The following NUDT9 variants were observed in gnomAD, a reference collection of about 807,000 sequenced individuals.
The protein encoded by NUDT9 is ADP-ribose pyrophosphatase.
A neutral mutation model predicts 41.0 loss-of-function variants in NUDT9; 31 were observed. The observed-to-expected ratio is 0.76, with a 90% CI of 0.57 to 1.02. The LOEUF is 1.02. NUDT9 is among the 50% of genes least tolerant of loss of function. The probability of loss-of-function intolerance (pLI) is 0.00; values close to 1 mark genes in which losing one functional copy is unlikely to be tolerated. For synonymous variants in NUDT9, 146 were observed against 147.6 expected (o/e 0.99, Z 0.08); for missense variants, 380 against 431.4 (o/e 0.88, Z 1.06).
chr4:87,447,917 A>C (rs1722531404), intron 4 of NUDT9, among the ~76,000 whole-genome samples: 1 of 151,876 alleles, frequency 6.6e-6, no homozygotes, highest in South Asian at 2.1e-4. Flanking sequence ...CTGTAGTCCT[A>C]GCTACACAGG....
At chr4:87,449,924 G>A (rs980936409) in intron 5 of NUDT9, among the ~76,000 whole-genome samples, 8 of 151,480 alleles carry the variant, frequency 5.3e-5, no homozygotes, top group South Asian at 2.1e-4. Context: ...GTGCATTGGC[G>A]CAATCTTGGC....
chr4:87,435,941 A>G (rs1052635612), intron 2 of NUDT9, among the ~76,000 whole-genome samples: 10 of 152,170 alleles, frequency 6.6e-5, no homozygotes, highest in Non-Finnish European at 1.2e-4. Context: ...TTGTGTGTGT[A>G]GTGAGAAGAG....
Position 87,441,859 on chromosome 4 carries a change from C to T in NUDT9, c.474C>T (p.Gly158=). ...RNPAGRTGLV[G]RGLLGRWGPN... is the part of the protein sequence containing the mutation. ...CTGCAGGACGGACTGGACTGGTGGG[C>T]CGGGGGCTTTTGGGGCGATGGGGCC... is the stretch of plus-strand genomic sequence containing the variant. The change falls in exon 4 of 8, where the codon GGC becomes GGT. Residue 158 remains glycine, a synonymous_variant. Transcript: ENST00000302174. The T allele has an allele frequency of 6.2e-7, 1 of 1,613,552 alleles. No individual in the cohort carries two copies.
intron 4 of NUDT9, among the ~76,000 whole-genome samples, chr4:87,445,922 A>G (rs1018782504): frequency 1.3e-5 from 2 of 151,554 alleles, no homozygotes; most frequent in African/African-American, 2.4e-5. Flanking sequence ...TCTCCCCAGT[A>G]GCATCTCTCT....
chr4:87,442,448 T>G (rs1466242925), intron 4 of NUDT9, among the ~76,000 whole-genome samples: 2 of 152,238 alleles, frequency 1.3e-5, no homozygotes, highest in Non-Finnish European at 2.9e-5. Context: ...AAGACATTAC[T>G]GTCCCCTATT....
At chr4:87,451,055 GTT>G (rs1722686959) in intron 5 of NUDT9, among the ~76,000 whole-genome samples, 1 of 152,210 alleles carries the variant, frequency 6.6e-6, no homozygotes, top group African/African-American at 2.4e-5. Flanking sequence ...GTGTTTGAGA[GTT>G]TGCGATTTTA....
chr4:87,456,133 A>C (rs1299087664), intron 7 of NUDT9, among the ~76,000 whole-genome samples: 1 of 152,132 alleles, frequency 6.6e-6, no homozygotes, highest in Admixed American at 6.5e-5. Context: ...GTTTCCCTGG[A>C]GACTTATTAA....
At chr4:87,447,486 T>TTTTTG (rs1560796881) in intron 4 of NUDT9, among the ~76,000 whole-genome samples, 2 of 151,600 alleles carry the variant, frequency 1.3e-5, no homozygotes, top group African/African-American at 2.4e-5. Context: ...GTTTTTTTTT[T>TTTTTG]TTTTGTTTTG....
At chr4:87,433,542 A>C (rs1046458947) in intron 1 of NUDT9, among the ~76,000 whole-genome samples, 2 of 152,208 alleles carry the variant, frequency 1.3e-5, no homozygotes, top group Non-Finnish European at 2.9e-5. Flanking sequence ...GGTCAAGTGG[A>C]TATTTGCCCC....
intron 4 of NUDT9, among the ~76,000 whole-genome samples, chr4:87,445,972 C>T (rs945983240): frequency 6.6e-5 from 10 of 150,958 alleles, no homozygotes; most frequent in African/African-American, 2.2e-4. Flanking sequence ...CTATGTTACC[C>T]TGGCTGGTCT....
chr4:87,441,553 A>T (rs1471257972), intron 3 of NUDT9, among the ~76,000 whole-genome samples: 1 of 152,200 alleles, frequency 6.6e-6, no homozygotes, highest in Admixed American at 6.5e-5. Flanking sequence ...TTAGGAGTAT[A>T]GGTGAAAACT....
intron 5 of NUDT9, among the ~76,000 whole-genome samples, chr4:87,451,093 C>T (rs1722688711): frequency 6.6e-6 from 1 of 152,100 alleles, no homozygotes; most frequent in African/African-American, 2.4e-5. Context: ...AGAAGACCTC[C>T]CTGAGGAGGT....
At chr4:87,432,054 T>G (rs1721710503) in intron 1 of NUDT9, among the ~76,000 whole-genome samples, 1 of 152,240 alleles carries the variant, frequency 6.6e-6, no homozygotes. Context: ...TGAATTCATT[T>G]ATTAGTTCTA....
chr4:87,427,316 A>G (rs1721478192), intron 1 of NUDT9, among the ~76,000 whole-genome samples: 4 of 152,158 alleles, frequency 2.6e-5, no homozygotes, highest in Non-Finnish European at 5.9e-5. Context: ...AAAGTTTGCC[A>G]GTCTTAAGAA....
intron 7 of NUDT9, among the ~76,000 whole-genome samples, chr4:87,456,846 G>A (rs749363165): frequency 1.3e-4 from 20 of 152,116 alleles, no homozygotes; most frequent in Non-Finnish European, 2.8e-4. Flanking sequence ...CAGGAGAATC[G>A]CTTGTACTCA....
intron 4 of NUDT9, among the ~76,000 whole-genome samples, chr4:87,447,844 G>A (rs150850016): frequency 6.6e-6 from 1 of 152,002 alleles, no homozygotes; most frequent in Non-Finnish European, 1.5e-5. Flanking sequence ...GACCAGCTGG[G>A]TAACATAGCA....
intron 1 of NUDT9, among the ~76,000 whole-genome samples, chr4:87,431,334 C>T (rs192150404): frequency 5.3e-4 from 80 of 152,218 alleles, no homozygotes; most frequent in African/African-American, 1.8e-3. Flanking sequence ...ATTACTATAG[C>T]TGTGTAGTAA....
intron 4 of NUDT9, among the ~76,000 whole-genome samples, 194 bp downstream of exon 4, chr4:87,442,109 T>G (rs1325918794): frequency 6.6e-6 from 1 of 152,236 alleles, no homozygotes; most frequent in African/African-American, 2.4e-5. Context: ...ATTAGGTGAT[T>G]TTGTTGTTGT....
chr4:87,431,805 C>T (rs1326296515), intron 1 of NUDT9, among the ~76,000 whole-genome samples: 1 of 152,164 alleles, frequency 6.6e-6, no homozygotes, highest in Admixed American at 6.5e-5. Flanking sequence ...CCTGCCTCAG[C>T]TTCTCGAGTA....
Sources: gnomAD v4.1 joint callset for allele counts (sites outside exome capture counted in the v4.1 genomes callset) on GRCh38, gnomAD v4.1.1 for gene constraint, MANE v1.5 for transcripts, NCBI Gene and HGNC (gene_info 2026-07-23, HGNC 2026-07-21) for gene names.